Variants in CMSS1 observed in about 807,000 individuals in gnomAD.
The protein encoded by CMSS1 is cms1 ribosomal small subunit homolog.
A neutral mutation model predicts 43.5 loss-of-function variants in CMSS1; 33 were observed. The observed-to-expected ratio is 0.76, with a 90% CI of 0.57 to 1.01. The LOEUF (loss-of-function observed/expected upper bound fraction) is 1.01. Ranked by LOEUF, CMSS1 falls within the 50% of genes least tolerant of loss-of-function variation. The pLI is 0.00. For missense variants in CMSS1, 313 were observed against 326.4 expected (o/e 0.96, Z 0.32); for synonymous variants, 115 against 117.2 (o/e 0.98, Z 0.12).
At chr3:99,991,342 G>A (rs1362273184) in intron 1 of CMSS1, among the ~76,000 whole-genome samples, 1 of 152,096 alleles carries the variant, frequency 6.6e-6, no homozygotes, top group Admixed American at 6.6e-5. Context: ...AGTGAATGTC[G>A]CTGGTGAGGT....
chr3:99,953,129 A>G (rs1429131398), intron 1 of CMSS1, among the ~76,000 whole-genome samples: 1 of 152,244 alleles, frequency 6.6e-6, no homozygotes, highest in African/African-American at 2.4e-5. Context: ...GGTCAATGCT[A>G]TGTATATAAA....
chr3:99,918,750 A>C (rs768825948), intron 1 of CMSS1, among the ~76,000 whole-genome samples: 10 of 152,214 alleles, frequency 6.6e-5, no homozygotes, highest in Non-Finnish European at 1.5e-4. Context: ...TGTTAGGTCC[A>C]GCATGTATGA....
At chr3:99,823,558 G>A (rs960512818) in intron 1 of CMSS1, among the ~76,000 whole-genome samples, 3 of 151,836 alleles carry the variant, frequency 2.0e-5, no homozygotes, top group South Asian at 4.2e-4. Flanking sequence ...ATTTTTCTTC[G>A]CTCTGCCTCC....
intron 1 of CMSS1, among the ~76,000 whole-genome samples, chr3:99,962,978 T>C (rs1708538916): frequency 6.6e-6 from 1 of 152,254 alleles, no homozygotes. Flanking sequence ...CAGGCATTGC[T>C]GCATGGAAGA....
At chr3:99,923,077 C>A (rs768104937) in intron 1 of CMSS1, among the ~76,000 whole-genome samples, 4 of 151,978 alleles carry the variant, frequency 2.6e-5, no homozygotes, top group African/African-American at 9.7e-5. Flanking sequence ...TCTTCTGGTT[C>A]TTCTAAGCTT....
At chr3:100,095,907 C>T (rs1317865447) in intron 1 of CMSS1, among the ~76,000 whole-genome samples, 1 of 152,012 alleles carries the variant, frequency 6.6e-6, no homozygotes, top group Non-Finnish European at 1.5e-5. Flanking sequence ...ATATAAGGAG[C>T]TCAAACAACT....
intron 1 of CMSS1, chr3:99,848,405 G>C (rs1246284660): frequency 6.2e-7 from 1 of 1,614,126 alleles, no homozygotes; most frequent in Non-Finnish European, 8.5e-7. Context: ...CCTTGAGTTC[G>C]GTTATCCTGC....
intron 1 of CMSS1, among the ~76,000 whole-genome samples, chr3:100,012,801 T>TTC (rs887974478): frequency 2.0e-5 from 3 of 149,752 alleles, no homozygotes; most frequent in African/African-American, 7.3e-5. Context: ...GGGACAGGTT[T>TTC]TCTCTCTGTT....
chr3:100,030,658 C>G (rs2065008376), intron 1 of CMSS1, among the ~76,000 whole-genome samples: 1 of 152,160 alleles, frequency 6.6e-6, no homozygotes, highest in South Asian at 2.1e-4. Flanking sequence ...GTCCCCACAA[C>G]TAATTTAACC....
intron 1 of CMSS1, among the ~76,000 whole-genome samples, chr3:99,911,939 C>CT (rs1014756089): frequency 2.4e-4 from 37 of 151,510 alleles, no homozygotes; most frequent in African/African-American, 7.7e-4. Flanking sequence ...TTCGTTCTCT[C>CT]TTTTTTTTTC....
At chr3:99,882,014 C>G (rs1473524493) in intron 1 of CMSS1, among the ~76,000 whole-genome samples, 1 of 152,124 alleles carries the variant, frequency 6.6e-6, no homozygotes, top group African/African-American at 2.4e-5. Flanking sequence ...GAATAGTTGA[C>G]CAACTAAGAG....
Position 100,038,693 on chromosome 3 carries a change from C to T in CMSS1, c.65-108280C>T, listed in dbSNP as rs150706682. On this transcript the variant is annotated intron_variant, in intron 1 of 9. Transcript: ENST00000421999. ...TTTCTTTCTTTTTAAAGGACACGATCTCAGTCCATGTCCTACATAGTAGCC... is the reference window on the plus strand; with the variant it reads ...TTTCTTTCTTTTTAAAGGACACGATTTCAGTCCATGTCCTACATAGTAGCC... 1.3e-4 allele frequency among the ~76,000 whole-genome samples: 20 copies of T among 152,236 alleles called. No individual in the cohort carries two copies. The East Asian group carries it at 3.7e-3, about 28-fold the overall frequency.
intron 1 of CMSS1, among the ~76,000 whole-genome samples, chr3:99,919,749 G>A (rs1239595959): frequency 6.6e-6 from 1 of 152,058 alleles, no homozygotes; most frequent in African/African-American, 2.4e-5. Flanking sequence ...AAGGATTGAT[G>A]GTGAAAATAC....
intron 1 of CMSS1, among the ~76,000 whole-genome samples, chr3:100,134,107 C>A (rs533007385): frequency 6.6e-6 from 1 of 152,096 alleles, no homozygotes; most frequent in African/African-American, 2.4e-5. Context: ...CTAGATGTAG[C>A]CTCATAGGCT....
intron 1 of CMSS1, among the ~76,000 whole-genome samples, chr3:99,945,486 G>GACT (rs1707982246): frequency 6.6e-6 from 1 of 152,142 alleles, no homozygotes; most frequent in Non-Finnish European, 1.5e-5. Flanking sequence ...TAAGGAGGGT[G>GACT]GCTGCTGCTA....
At chr3:100,004,129 C>G (rs753153586) in intron 1 of CMSS1, among the ~76,000 whole-genome samples, 37 of 152,120 alleles carry the variant, frequency 2.4e-4, no homozygotes, top group Non-Finnish European at 4.9e-4. Flanking sequence ...CTGCATGATG[C>G]CTTCCTAGGG....
intron 1 of CMSS1, among the ~76,000 whole-genome samples, chr3:99,937,591 C>T (rs895504487): frequency 1.3e-5 from 2 of 152,148 alleles, no homozygotes; most frequent in African/African-American, 4.8e-5. Context: ...ATGGTACTTG[C>T]TAATGGGTTT....
intron 1 of CMSS1, among the ~76,000 whole-genome samples, chr3:99,998,043 A>G (rs889514988): frequency 6.6e-5 from 10 of 152,260 alleles, no homozygotes; most frequent in African/African-American, 2.2e-4. Context: ...AAACTTGTGG[A>G]AACACAAGTT....
At chr3:100,031,970 AT>A (rs1488061840) in intron 1 of CMSS1, among the ~76,000 whole-genome samples, 1 of 151,966 alleles carries the variant, frequency 6.6e-6, no homozygotes, top group African/African-American at 2.4e-5. Flanking sequence ...AATTTTATGT[AT>A]TTTTCATGCA....
Sources: allele counts gnomAD v4.1 joint callset (sites outside exome capture counted in the v4.1 genomes callset), GRCh38; gene constraint gnomAD v4.1.1; transcripts MANE v1.5; gene names NCBI Gene and HGNC (gene_info 2026-07-23, HGNC 2026-07-21).